The following RBM20 variants were observed in gnomAD, a reference collection of about 807,000 sequenced individuals.
RBM20 encodes RNA-binding protein 20.
A neutral mutation model predicts 110.1 loss-of-function variants in RBM20; 51 were observed. That is an observed-to-expected ratio of 0.46 (90% CI 0.37 to 0.59). RBM20 has a LOEUF of 0.59. RBM20 is among the 20% of genes least tolerant of loss of function. The probability of loss-of-function intolerance (pLI) is 0.00; values close to 1 mark genes in which losing one functional copy is unlikely to be tolerated. For synonymous variants in RBM20, 589 were observed against 618.2 expected (o/e 0.95, Z 0.70); for missense variants, 1,512 against 1,574.9 (o/e 0.96, Z 0.68).
At chr10:110,689,497 G>T (rs1862554987) in intron 1 of RBM20, among the ~76,000 whole-genome samples, 3 of 152,240 alleles carry the variant, frequency 2.0e-5, no homozygotes, top group African/African-American at 7.2e-5. Context: ...GAGCTCAGGG[G>T]CAGGTGCCTG....
intron 1 of RBM20, among the ~76,000 whole-genome samples, chr10:110,722,846 T>C (rs916852911): frequency 6.6e-6 from 1 of 152,186 alleles, no homozygotes; most frequent in Non-Finnish European, 1.5e-5. Flanking sequence ...GCATGGTGGC[T>C]TAAACCTGTA....
intron 5 of RBM20, among the ~76,000 whole-genome samples, chr10:110,793,492 G>T (rs1211019052): frequency 6.6e-6 from 1 of 152,198 alleles, no homozygotes; most frequent in Non-Finnish European, 1.5e-5. Context: ...ATTTAACAGA[G>T]TTTAATTTAA....
chr10:110,655,153 C>T (rs1862003007), intron 1 of RBM20, among the ~76,000 whole-genome samples: 1 of 152,008 alleles, frequency 6.6e-6, no homozygotes, highest in Non-Finnish European at 1.5e-5. Context: ...ATAGAAAATC[C>T]ATCACTTACA....
intron 1 of RBM20, among the ~76,000 whole-genome samples, chr10:110,758,706 A>ATG (rs1843954348): frequency 6.6e-6 from 1 of 152,248 alleles, no homozygotes; most frequent in Non-Finnish European, 1.5e-5. Context: ...AGCCCTTGAA[A>ATG]TGTGGCTAAC....
At position 110,794,558 on chromosome 10, in the gene RBM20, C is replaced by G. The variant is rs536938073; in HGVS notation, c.1528-2950C>G. On this transcript the variant is annotated intron_variant, in intron 5 of 13. Coordinates refer to ENST00000369519, the MANE Select transcript of RBM20 (RefSeq NM_001134363.3). The stretch of plus-strand genomic sequence containing the variant: ...GAACTTGGCCTTCAGCCTGAGGGAT[C>G]AATATCTTGGCACTCCTATAACCAT... Among the ~76,000 whole-genome samples, 4 of 152,296 alleles carry G rather than the reference C, an allele frequency of 2.6e-5. No individual in the cohort carries two copies. The South Asian group carries it at 8.3e-4, about 32-fold the overall frequency.
At chr10:110,793,511 C>G (rs1844510279) in intron 5 of RBM20, among the ~76,000 whole-genome samples, 1 of 152,206 alleles carries the variant, frequency 6.6e-6, no homozygotes, top group East Asian at 1.9e-4. Context: ...AATTGGGCAG[C>G]CCTCAGAACC....
Position 110,752,613 on chromosome 10 carries a change from C to T in RBM20, c.192-28188C>T, listed in dbSNP as rs1358845637. 1.2e-4 allele frequency among the ~76,000 whole-genome samples: 18 copies of T among 152,110 alleles called. 1 individual carries two copies. The highest frequency in any genetic ancestry group is 1.2e-3 in the Admixed American group (18 of 15,250). Reference sequence around the variant, plus strand: ...TGTAGTTGAAAGGGATAAATATGTACTTATTTTTTTCCAATGATTTTTCAT... The same window carrying T: ...TGTAGTTGAAAGGGATAAATATGTATTTATTTTTTTCCAATGATTTTTCAT... On this transcript the variant is annotated intron_variant, in intron 1 of 13. Transcript: ENST00000369519.
chr10:110,782,413 G>A (rs994819659), intron 2 of RBM20, among the ~76,000 whole-genome samples: 1 of 152,130 alleles, frequency 6.6e-6, no homozygotes, highest in Non-Finnish European at 1.5e-5. Context: ...CGGTGGTTGG[G>A]AAATGCTTTG....
chr10:110,803,051 TAGC>T (rs1426186515), intron 7 of RBM20, among the ~76,000 whole-genome samples: 1 of 152,148 alleles, frequency 6.6e-6, no homozygotes, highest in Non-Finnish European at 1.5e-5. Context: ...GGGTGTATAA[TAGC>T]AGTAATTATA....
chr10:110,710,953 C>T (rs1244716213), intron 1 of RBM20, among the ~76,000 whole-genome samples: 1 of 152,024 alleles, frequency 6.6e-6, no homozygotes, highest in Non-Finnish European at 1.5e-5. Context: ...TGAGACACAC[C>T]CCTAGAAGGG....
At chr10:110,701,885 G>T (rs1454941493) in intron 1 of RBM20, among the ~76,000 whole-genome samples, 1 of 152,224 alleles carries the variant, frequency 6.6e-6, no homozygotes, top group Non-Finnish European at 1.5e-5. Context: ...TGCTGATAAG[G>T]CAGAGAGCTA....
intron 1 of RBM20, among the ~76,000 whole-genome samples, chr10:110,702,836 T>C (rs7900004): frequency 0.058 from 8,771 of 152,200 alleles, 852 homozygotes; most frequent in African/African-American, 0.2. Flanking sequence ...ATCTGTAAAA[T>C]GGAAATTATG....
chr10:110,760,214 T>C (rs12783409), intron 1 of RBM20, among the ~76,000 whole-genome samples: 6,975 of 152,210 alleles, frequency 0.046, 184 homozygotes, highest in South Asian at 0.059. Flanking sequence ...ATCGGGTGCT[T>C]TGGCTTCATG....
At chr10:110,654,716 A>G (rs1435049089) in intron 1 of RBM20, among the ~76,000 whole-genome samples, 1 of 152,130 alleles carries the variant, frequency 6.6e-6, no homozygotes. Flanking sequence ...TTCATACACA[A>G]AATATGTATG....
rs148071537 is a variant in RBM20 at position 110,805,599 on chromosome 10, A to G, written c.1801-4784A>G. Reference sequence around the variant, plus strand: ...GGTGGATGCCAGATGGGCCTCATTAACCCACCTTCACTGGTGGAGAAAGTG... The same window carrying G: ...GGTGGATGCCAGATGGGCCTCATTAGCCCACCTTCACTGGTGGAGAAAGTG... On this transcript the variant is annotated intron_variant, in intron 7 of 13. Transcript: ENST00000369519. 3.1e-3 allele frequency among the ~76,000 whole-genome samples: 476 copies of G among 152,240 alleles called. 4 individuals carry two copies. The highest frequency in any genetic ancestry group is 0.011 in the African/African-American group (463 of 41,502).
chr10:110,745,023 T>G (rs1843763097), intron 1 of RBM20, among the ~76,000 whole-genome samples: 1 of 152,198 alleles, frequency 6.6e-6, no homozygotes, highest in African/African-American at 2.4e-5. Flanking sequence ...TGCTGGCATC[T>G]TTCTTATGCA....
upstream of RBM20, chr10:110,644,277 A>G (rs1861831287): frequency 4.6e-6 from 2 of 437,892 alleles, no homozygotes; most frequent in African/African-American, 2.1e-5. The surrounding 1 kb of genome is among the most constrained non-coding windows in gnomAD (Gnocchi z 4.3). Context: ...GAGCTGGAGC[A>G]GCGGGAGGAG....
chr10:110,725,717 T>G (rs1470479271), intron 1 of RBM20, among the ~76,000 whole-genome samples: 1 of 152,236 alleles, frequency 6.6e-6, no homozygotes, highest in African/African-American at 2.4e-5. Flanking sequence ...GGTTGTGTAT[T>G]TCAGGGGCTG....
chr10:110,771,039 C>A (rs2135023148), intron 1 of RBM20, among the ~76,000 whole-genome samples: 1 of 152,366 alleles, frequency 6.6e-6, no homozygotes, highest in Admixed American at 6.5e-5. Context: ...TCTTTCAAAG[C>A]ATTGTAGCAA....
Sources: gnomAD v4.1 joint callset for allele counts (sites outside exome capture counted in the v4.1 genomes callset) on GRCh38, gnomAD v4.1.1 for gene constraint, Gnocchi (gnomAD v3.1) non-coding constraint, MANE v1.5 for transcripts, NCBI Gene and HGNC (gene_info 2026-07-23, HGNC 2026-07-21) for gene names.